Variants in CBLL1 observed in about 807,000 individuals in gnomAD.
CBLL1 encodes Cbl proto-oncogene like 1.
A neutral mutation model predicts 44.9 loss-of-function variants in CBLL1; 4 were observed. That is an observed-to-expected ratio of 0.09 (90% CI 0.04 to 0.20). The LOEUF is 0.20. CBLL1 is among the 10% of genes least tolerant of loss of function. CBLL1 has a pLI of 1.00. For missense variants in CBLL1, 569 were observed against 636.7 expected (o/e 0.89, Z 1.14); for synonymous variants, 235 against 202.2 (o/e 1.16, Z -1.38).
chr7:107,746,843 C>T (rs959202425), intron 1 of CBLL1, among the ~76,000 whole-genome samples: 3 of 152,180 alleles, frequency 2.0e-5, no homozygotes, highest in Non-Finnish European at 4.4e-5. Flanking sequence ...TAAGAATTAG[C>T]ACTTCTGTAA....
At chr7:107,756,032 A>G (rs915525163) in intron 5 of CBLL1, among the ~76,000 whole-genome samples, 1 of 152,136 alleles carries the variant, frequency 6.6e-6, no homozygotes, top group Non-Finnish European at 1.5e-5. Context: ...GTTACTTTCA[A>G]ATCTGATTAT....
At chr7:107,752,413 T>G in intron 2 of CBLL1, 1 of 346,582 alleles carries the variant, frequency 2.9e-6, no homozygotes, top group South Asian at 2.5e-5. Flanking sequence ...ACTTCTTGCA[T>G]CATTGTTTGT....
chr7:107,744,202 C>T (rs1410926241), intron 1 of CBLL1, 26 bp downstream of exon 1: 1 of 1,542,788 alleles, frequency 6.5e-7, no homozygotes, highest in Non-Finnish European at 8.8e-7. Context: ...CAGTGGGGGT[C>T]CCGGTTCCAA....
intron 1 of CBLL1, among the ~76,000 whole-genome samples, chr7:107,745,248 G>T (rs1792954410): frequency 6.6e-6 from 1 of 152,082 alleles, no homozygotes; most frequent in Admixed American, 6.5e-5. Flanking sequence ...AAATAAACGA[G>T]TGCTGTGGAG....
intron 2 of CBLL1, among the ~76,000 whole-genome samples, chr7:107,751,239 T>G (rs1480154794): frequency 6.6e-6 from 1 of 152,110 alleles, no homozygotes; most frequent in Non-Finnish European, 1.5e-5. Flanking sequence ...ACAATAGGGT[T>G]TGCGTTCCTA....
At chr7:107,749,856 G>C (rs1318354782) in intron 2 of CBLL1, among the ~76,000 whole-genome samples, 1 of 151,796 alleles carries the variant, frequency 6.6e-6, no homozygotes, top group Admixed American at 6.6e-5. Flanking sequence ...GACCATTCTT[G>C]TTTAGATCCT....
chr7:107,753,123 CAA>C (rs1402644667), intron 2 of CBLL1, among the ~76,000 whole-genome samples: 2 of 152,072 alleles, frequency 1.3e-5, no homozygotes, highest in Non-Finnish European at 1.5e-5. Context: ...GAATGGGAGT[CAA>C]GAGATCTGAG....
In CBLL1 at chr7:107,753,521, A is replaced by G. The variant is rs751173605; in HGVS notation, c.282+10A>G. ...TTTTTGGGACTTTCAGGTATAATTA[A>G]AAATGAAAAATTGTATTATAACAAT... On this transcript the variant is annotated intron_variant, in intron 3 of 5. Transcript: ENST00000440859. 2 of 1,486,908 alleles carry G rather than the reference A, an allele frequency of 1.3e-6. No individual in the cohort carries two copies. The highest frequency in any genetic ancestry group is 2.6e-5 in the South Asian group (2 of 76,690). The allele number at this position is 1,486,908 out of a possible 1,614,324, so 92.1% of individuals were successfully genotyped here. A position where few individuals can be genotyped will look rare whatever the true frequency, so the allele number is the denominator to read the frequency against.
intron 5 of CBLL1, among the ~76,000 whole-genome samples, chr7:107,756,332 G>C (rs1352467722): frequency 6.6e-6 from 1 of 152,118 alleles, no homozygotes; most frequent in Non-Finnish European, 1.5e-5. Flanking sequence ...TATGGTGTAG[G>C]AAAATTTGAC....
At position 107,758,070 on chromosome 7, in the gene CBLL1, G is replaced by C; in HGVS notation, c.441-73G>C. 2 of 1,336,356 alleles carry C rather than the reference G, an allele frequency of 1.5e-6. No individual in the cohort carries two copies. The highest frequency in any genetic ancestry group is 2.0e-6 in the Non-Finnish European group (2 of 983,556). The allele number at this position is 1,336,356 out of a possible 1,614,324, so 82.8% of individuals were successfully genotyped here. Reference sequence around the variant, plus strand: ...TGTAACAGTCAAATTTTAAAAACAAGCATATTTTTGAAAATTACATAATTT... The same window carrying C: ...TGTAACAGTCAAATTTTAAAAACAACCATATTTTTGAAAATTACATAATTT... On this transcript the variant is annotated intron_variant, in intron 5 of 5. Coordinates refer to ENST00000440859, the MANE Select transcript of CBLL1 (RefSeq NM_024814.4). This position sits in a 1 kb window ranked among gnomAD's most constrained non-coding sequence, Gnocchi z 4.2.
In CBLL1 at chr7:107,759,066, C is replaced by T. The variant is rs1165686426; in HGVS notation, c.1364C>T (p.Pro455Leu). Residue 455 changes from proline (P) to leucine (L), a missense_variant, in exon 6 of 6, where the codon CCT becomes CTT. Coordinates refer to ENST00000440859, the MANE Select transcript of CBLL1 (RefSeq NM_024814.4). ...GGGGGAATGAGTCCTGGTATATGGC[C>T]TGCACCAAGAGGGCCACCACCACCT... ...QPGGMSPGIW[P>L]APRGPPPPPR... is the part of the protein sequence containing the mutation. 1.2e-6 allele frequency: 2 copies of T among 1,613,966 alleles called. No homozygotes were observed. Among genetic ancestry groups the T allele is most frequent in the Non-Finnish European group, 1.7e-6 (2 of 1,179,966 alleles).
intron 2 of CBLL1, among the ~76,000 whole-genome samples, chr7:107,750,206 C>T (rs1408294970): frequency 6.6e-6 from 1 of 152,130 alleles, no homozygotes; most frequent in African/African-American, 2.4e-5. Context: ...CCTTAGCCTC[C>T]CAAGGTGCTG....
At chr7:107,755,167 G>C (rs1389210826) in intron 4 of CBLL1, among the ~76,000 whole-genome samples, 1 of 151,848 alleles carries the variant, frequency 6.6e-6, no homozygotes, top group Non-Finnish European at 1.5e-5. Context: ...AAATTTATAG[G>C]GTTTACACCT....
rs1403485477 is a variant in CBLL1 at position 107,758,480 on chromosome 7, A to G, written c.778A>G (p.Ile260Val). ...HEHYNQPHED[I>V]RAPPAELSMA... ...GCACTATAATCAGCCACATGAGGATATTCGTGCTCCTCCAGCAGAATTGTC... is the reference window on the plus strand; with the variant it reads ...GCACTATAATCAGCCACATGAGGATGTTCGTGCTCCTCCAGCAGAATTGTC... Residue 260 changes from isoleucine (I) to valine (V), a missense_variant, in exon 6 of 6, where the codon ATT becomes GTT. Ile to Val is a conservative substitution (Grantham distance 29). Transcript: ENST00000440859. The surrounding 1 kb of genome is among the most constrained non-coding windows in gnomAD (Gnocchi z 4.2). 1.9e-6 allele frequency: 3 copies of G among 1,614,134 alleles called. No individual in the cohort carries two copies. The highest frequency in any genetic ancestry group is 1.7e-6 in the Non-Finnish European group (2 of 1,180,006).
intron 2 of CBLL1, among the ~76,000 whole-genome samples, chr7:107,750,091 C>T (rs1197084582): frequency 2.0e-5 from 3 of 151,884 alleles, no homozygotes; most frequent in African/African-American, 4.8e-5. Context: ...ACTACAGGTG[C>T]ACCCCACCTG....
intron 2 of CBLL1, among the ~76,000 whole-genome samples, chr7:107,749,999 G>GGGCT (rs1305602353): frequency 6.6e-6 from 1 of 151,930 alleles, no homozygotes; most frequent in Non-Finnish European, 1.5e-5. Flanking sequence ...TCTGTTGCCT[G>GGGCT]GGCTGGAATG....
intron 4 of CBLL1, among the ~76,000 whole-genome samples, chr7:107,754,641 A>C (rs1793447318): frequency 6.6e-6 from 1 of 152,204 alleles, no homozygotes; most frequent in Non-Finnish European, 1.5e-5. Flanking sequence ...TGTGCTTCTA[A>C]CATCATTTAA....
chr7:107,744,360 G>T (rs369198257), intron 1 of CBLL1, 184 bp downstream of exon 1: 7 of 691,616 alleles, frequency 1.0e-5, no homozygotes, highest in East Asian at 3.3e-5. Flanking sequence ...CTACCGTCTG[G>T]TGTGGTACCT....
intron 4 of CBLL1, 148 bp downstream of exon 4, chr7:107,754,126 T>C (rs947929139): frequency 2.4e-6 from 1 of 412,812 alleles, no homozygotes; most frequent in African/African-American, 2.1e-5. Context: ...TGGAATACTA[T>C]GAATTTAATA....
Sources: gnomAD v4.1 joint callset for allele counts (sites outside exome capture counted in the v4.1 genomes callset) on GRCh38, gnomAD v4.1.1 for gene constraint, Gnocchi (gnomAD v3.1) non-coding constraint, MANE v1.5 for transcripts, NCBI Gene and HGNC (gene_info 2026-07-23, HGNC 2026-07-21) for gene names.